NCKAP5: variants seen among roughly 807,000 people sequenced by gnomAD.
NCKAP5 encodes nck-associated protein 5.
In NCKAP5, 92 loss-of-function variants were observed where a neutral mutation model predicts 167.0. That is an observed-to-expected ratio of 0.55 (90% confidence interval 0.47 to 0.66). The LOEUF (loss-of-function observed/expected upper bound fraction) is 0.66. Ranked by LOEUF, NCKAP5 falls within the 30% of genes least tolerant of loss-of-function variation. The probability of loss-of-function intolerance (pLI) is 0.00; values close to 1 mark genes in which losing one functional copy is unlikely to be tolerated. For synonymous variants in NCKAP5, 891 were observed against 877.4 expected, an observed-to-expected ratio of 1.02 and a Z score of -0.27; for missense variants, 2,378 against 2,315.0, an observed-to-expected ratio of 1.03 and a Z score of -0.56.
At chr2:133,308,689 C>CTTTTTTTTTTTTT (rs35760716) in intron 3 of NCKAP5, among the ~76,000 whole-genome samples, 1 of 59,278 alleles carries the variant, frequency 1.7e-5, no homozygotes, top group African/African-American at 6.3e-5. Context: ...AAATACAATT[C>CTTTTTTTTTTTTT]TTTTTTTTTT....
In NCKAP5 at chr2:133,415,645, C is replaced by T. The variant is rs115661654; in HGVS notation, c.69+101813G>A. On this transcript the variant is annotated intron_variant, in intron 3 of 19. Coordinates refer to ENST00000409261, the MANE Select transcript of NCKAP5 (RefSeq NM_207363.3). ...TTCCACTGACCACTGGGCTGCAGAA[C>T]GTGCAAATAATTTGCAGCTTCCTTA... is the stretch of plus-strand genomic sequence containing the variant. 5.5e-3 allele frequency among the ~76,000 whole-genome samples: 831 copies of T among 152,292 alleles called. 7 individuals carry two copies. The highest frequency in any genetic ancestry group is 8.6e-3 in the Non-Finnish European group (588 of 68,026).
At chr2:133,369,404 CAG>C (rs1243908361) in intron 3 of NCKAP5, among the ~76,000 whole-genome samples, 1 of 152,178 alleles carries the variant, frequency 6.6e-6, no homozygotes, top group East Asian at 1.9e-4. Flanking sequence ...GATGACCTGA[CAG>C]AGATAGATGA....
chr2:133,209,077 T>TAA (rs11450964), intron 5 of NCKAP5, among the ~76,000 whole-genome samples: 14 of 151,658 alleles, frequency 9.2e-5, no homozygotes, highest in African/African-American at 2.7e-4. Flanking sequence ...AAAATTACAT[T>TAA]AAAAAACTAT....
chr2:132,828,556 T>A (rs1051390971), intron 11 of NCKAP5, among the ~76,000 whole-genome samples: 1 of 152,182 alleles, frequency 6.6e-6, no homozygotes, highest in Non-Finnish European at 1.5e-5. Context: ...ATACTTCCTG[T>A]ACAGCCTGTG....
chr2:132,852,268 C>T (rs969452903), intron 11 of NCKAP5, among the ~76,000 whole-genome samples: 2 of 152,076 alleles, frequency 1.3e-5, no homozygotes, highest in Admixed American at 1.3e-4. Context: ...ATATATATCG[C>T]CTGAATGTTT....
At chr2:133,224,006 G>A (rs1427024749) in intron 4 of NCKAP5, among the ~76,000 whole-genome samples, 5 of 152,194 alleles carry the variant, frequency 3.3e-5, no homozygotes, top group African/African-American at 1.2e-4. Context: ...TTAGTGGCCT[G>A]ACTTTCTGAA....
chr2:133,358,674 C>T (rs1337472594), intron 3 of NCKAP5, among the ~76,000 whole-genome samples: 1 of 152,120 alleles, frequency 6.6e-6, no homozygotes, highest in African/African-American at 2.4e-5. Context: ...TGGGAGTTTC[C>T]AGAAAGTAAC....
chr2:133,574,138 A>G, the NCKAP5 span, among the ~76,000 whole-genome samples: 6 of 111,878 alleles, frequency 5.4e-5, no homozygotes, highest in African/African-American at 1.7e-4. Context: ...GAAAAGGAAG[A>G]GGATGGGGAC....
chr2:132,959,857 A>T (rs1449071109), intron 8 of NCKAP5, among the ~76,000 whole-genome samples: 1 of 152,170 alleles, frequency 6.6e-6, no homozygotes, highest in Non-Finnish European at 1.5e-5. Flanking sequence ...AGCCTTGAAA[A>T]CCCAAACTTT....
chr2:132,719,739 G>A (rs1689727980), intron 19 of NCKAP5, among the ~76,000 whole-genome samples: 1 of 152,230 alleles, frequency 6.6e-6, no homozygotes, highest in Admixed American at 6.5e-5. Flanking sequence ...TCTAAGAGGG[G>A]AGGCAGCATG....
At chr2:133,401,086 G>C (rs1386346067) in intron 3 of NCKAP5, among the ~76,000 whole-genome samples, 1 of 152,166 alleles carries the variant, frequency 6.6e-6, no homozygotes, top group Non-Finnish European at 1.5e-5. Context: ...GGTGAAAGGG[G>C]CTAGAGATTC....
At chr2:132,692,384 C>G (rs1686845547) in intron 19 of NCKAP5, among the ~76,000 whole-genome samples, 1 of 151,996 alleles carries the variant, frequency 6.6e-6, no homozygotes, top group Non-Finnish European at 1.5e-5. Context: ...AACTGCTGAC[C>G]TCAGGTGATC....
At chr2:133,455,230 T>A (rs1299728124) in intron 3 of NCKAP5, among the ~76,000 whole-genome samples, 2 of 152,158 alleles carry the variant, frequency 1.3e-5, no homozygotes, top group Non-Finnish European at 2.9e-5. Context: ...CATCTATTTT[T>A]TGTAAAGCCT....
At chr2:132,835,827 GT>G (rs1399155448) in intron 11 of NCKAP5, among the ~76,000 whole-genome samples, 1 of 152,034 alleles carries the variant, frequency 6.6e-6, no homozygotes, top group Non-Finnish European at 1.5e-5. Context: ...AAAAATAGAA[GT>G]GTCTCACCCA....
chr2:132,873,917 C>G (rs969455323), intron 9 of NCKAP5, among the ~76,000 whole-genome samples: 1 of 152,000 alleles, frequency 6.6e-6, no homozygotes, highest in African/African-American at 2.4e-5. Context: ...GCATTAGGCA[C>G]CTAGTGTGGG....
At chr2:133,073,654 C>G (rs2080498499) in intron 6 of NCKAP5, among the ~76,000 whole-genome samples, 1 of 152,150 alleles carries the variant, frequency 6.6e-6, no homozygotes, top group South Asian at 2.1e-4. Flanking sequence ...TAACAGAACC[C>G]AAAGTCTCTC....
intron 2 of NCKAP5, among the ~76,000 whole-genome samples, chr2:133,555,372 C>A (rs1256298193): frequency 6.6e-6 from 1 of 152,118 alleles, no homozygotes; most frequent in Non-Finnish European, 1.5e-5. Context: ...ACCACAATGT[C>A]CTCTTCATTT....
At chr2:133,158,421 G>C (rs985026915) in intron 5 of NCKAP5, among the ~76,000 whole-genome samples, 3 of 152,132 alleles carry the variant, frequency 2.0e-5, no homozygotes, top group African/African-American at 7.2e-5. Context: ...TCAGAATGGA[G>C]GCTGCACCTT....
chr2:133,066,700 T>G (rs950421619), intron 6 of NCKAP5, among the ~76,000 whole-genome samples: 1 of 152,222 alleles, frequency 6.6e-6, no homozygotes, highest in Non-Finnish European at 1.5e-5. Flanking sequence ...TATATTTATT[T>G]TGGTCTCAGA....
Sources: gnomAD v4.1 joint callset for allele counts (sites outside exome capture counted in the v4.1 genomes callset) on GRCh38, gnomAD v4.1.1 for gene constraint, MANE v1.5 for transcripts, NCBI Gene and HGNC (gene_info 2026-07-23, HGNC 2026-07-21) for gene names.